The following SETBP1 variants were observed in gnomAD, a reference collection of about 807,000 sequenced individuals.
The protein encoded by SETBP1 is SET binding protein 1.
In SETBP1, 9 loss-of-function variants were observed where a neutral mutation model predicts 101.0. The observed-to-expected ratio is 0.09, with a 90% CI of 0.05 to 0.16. SETBP1 has a LOEUF of 0.16. Among genes scored for constraint, SETBP1 ranks in the 10% least tolerant of loss-of-function variants. The probability of loss-of-function intolerance (pLI) is 1.00; values close to 1 mark genes in which losing one functional copy is unlikely to be tolerated. For missense variants in SETBP1, 1,858 were observed against 2,033.8 expected, an observed-to-expected ratio of 0.91 and a Z score of 1.66; for synonymous variants, 818 against 788.5, an observed-to-expected ratio of 1.04 and a Z score of -0.63.
intron 4 of SETBP1, among the ~76,000 whole-genome samples, chr18:44,977,391 G>C (rs1171423093): frequency 2.0e-5 from 3 of 152,228 alleles, no homozygotes; most frequent in Non-Finnish European, 4.4e-5. Flanking sequence ...AATCAAGAAG[G>C]AGCACCCGCC....
chr18:44,989,242 T>A (rs1057153524), intron 4 of SETBP1: 4 of 152,098 alleles, frequency 2.6e-5, no homozygotes, highest in Admixed American at 2.6e-4. Flanking sequence ...TACAACAGAT[T>A]ATGAAATATG....
chr18:44,719,677 C>G (rs1159315759), intron 2 of SETBP1, among the ~76,000 whole-genome samples: 1 of 152,218 alleles, frequency 6.6e-6, no homozygotes, highest in African/African-American at 2.4e-5. Context: ...TGGATACCTG[C>G]CTTTCCTTCT....
intron 2 of SETBP1, among the ~76,000 whole-genome samples, chr18:44,798,348 G>C (rs2071526928): frequency 1.3e-5 from 2 of 152,152 alleles, no homozygotes; most frequent in Non-Finnish European, 2.9e-5. Flanking sequence ...TGAGAAAATT[G>C]GGCCCCAGAG....
chr18:44,973,042 A>T (rs769220082), intron 4 of SETBP1, among the ~76,000 whole-genome samples: 1 of 152,100 alleles, frequency 6.6e-6, no homozygotes, highest in Non-Finnish European at 1.5e-5. Flanking sequence ...TTATTTTGAG[A>T]TCCGTCCCAT....
intron 3 of SETBP1, among the ~76,000 whole-genome samples, chr18:44,906,820 T>C (rs115159939): frequency 8.5e-4 from 130 of 152,252 alleles, no homozygotes; most frequent in African/African-American, 3.0e-3. Context: ...TTGATAATGC[T>C]CTTAAACCCT....
intron 3 of SETBP1, chr18:44,876,548 G>A (rs955364945): frequency 9.1e-6 from 14 of 1,535,718 alleles, no homozygotes; most frequent in Non-Finnish European, 1.2e-5. Flanking sequence ...ATCTAAGTCA[G>A]CCTCCTCATT....
At chr18:44,972,109 C>T (rs2071877690) in intron 4 of SETBP1, among the ~76,000 whole-genome samples, 1 of 152,104 alleles carries the variant, frequency 6.6e-6, no homozygotes, top group African/African-American at 2.4e-5. Flanking sequence ...GCCAGTTTTC[C>T]CAGCACCATT....
chr18:45,067,556 T>A lies in SETBP1; in HGVS notation c.*3858T>A, dbSNP rs1329563629. On this transcript the variant is annotated 3_prime_UTR_variant, in exon 6 of 6. Coordinates refer to ENST00000649279, the MANE Select transcript of SETBP1 (RefSeq NM_015559.3). ...CTCGTTATGTAAAAGTAGATAAATA[T>A]AGACGTTATTCTCAACACTACCCTA... 6.6e-6 allele frequency: 1 copy of A among 152,180 alleles called. No homozygotes were observed. Among genetic ancestry groups the A allele is most frequent in the Non-Finnish European group, 1.5e-5 (1 of 68,028 alleles). 9.4% of individuals were successfully genotyped at this position (152,180 alleles called of 1,614,324 possible).
intron 4 of SETBP1, among the ~76,000 whole-genome samples, chr18:45,031,730 G>T (rs187398892): frequency 3.3e-5 from 5 of 152,216 alleles, no homozygotes; most frequent in Non-Finnish European, 7.4e-5. Context: ...AGTGAGACAT[G>T]GTTTGTAACC....
In SETBP1 at chr18:44,701,456, C is replaced by T. The variant is rs747388683; in HGVS notation, c.110C>T (p.Pro37Leu). Residue 37 changes from proline to leucine, a missense_variant, in exon 2 of 6, where the codon CCT (proline) becomes CTT (leucine). Pro to Leu is a moderately conservative substitution (Grantham distance 98). Coordinates refer to ENST00000649279, the MANE Select transcript of SETBP1 (RefSeq NM_015559.3). ...GCTGCTCCTGGCTGTGCAGGAGAAC[C>T]TTTGCTCTCCACTCCAGGACCTGGG... ...PPAAPGCAGE[P>L]LLSTPGPGKG... The T allele has an allele frequency of 1.7e-5, 27 of 1,612,792 alleles. No individual in the cohort carries two copies. The highest frequency in any genetic ancestry group is 9.3e-6 in the Non-Finnish European group (11 of 1,179,288).
At chr18:44,978,449 G>C (rs1367540408) in intron 4 of SETBP1, among the ~76,000 whole-genome samples, 3 of 152,168 alleles carry the variant, frequency 2.0e-5, no homozygotes, top group Non-Finnish European at 4.4e-5. Context: ...GCCCAAATGA[G>C]TGAGCAATAG....
intron 2 of SETBP1, among the ~76,000 whole-genome samples, chr18:44,747,440 T>G (rs1181070413): frequency 6.6e-6 from 1 of 152,046 alleles, no homozygotes; most frequent in Admixed American, 6.5e-5. Context: ...TTATTAAGAG[T>G]GAAAATAATT....
At chr18:44,748,897 G>T (rs1309356162) in intron 2 of SETBP1, among the ~76,000 whole-genome samples, 1 of 152,184 alleles carries the variant, frequency 6.6e-6, no homozygotes, top group Non-Finnish European at 1.5e-5. Context: ...GCAGACAGGT[G>T]AAGAGAGGTG....
chr18:45,009,580 C>G (rs1288959855), intron 4 of SETBP1, among the ~76,000 whole-genome samples: 2 of 151,838 alleles, frequency 1.3e-5, no homozygotes, highest in East Asian at 3.9e-4. Context: ...TTGGCTAATA[C>G]TTTTTTATGA....
chr18:44,941,169 C>T (rs1383242398), intron 3 of SETBP1, among the ~76,000 whole-genome samples: 1 of 147,068 alleles, frequency 6.8e-6, no homozygotes, highest in Non-Finnish European at 1.5e-5. Context: ...GCAACCTCCA[C>T]TTCCTGGTTT....
intron 2 of SETBP1, among the ~76,000 whole-genome samples, chr18:44,865,332 TAGAG>T (rs1228549262): frequency 6.6e-6 from 1 of 152,154 alleles, no homozygotes. Context: ...TGAGTGAAGG[TAGAG>T]AGACAGGCAC....
chr18:44,874,760 A>G (rs1289351497), intron 3 of SETBP1, among the ~76,000 whole-genome samples: 1 of 152,154 alleles, frequency 6.6e-6, no homozygotes, highest in Non-Finnish European at 1.5e-5. Flanking sequence ...AATTAGTCCT[A>G]CTCAGAGATC....
intron 5 of SETBP1, among the ~76,000 whole-genome samples, chr18:45,056,672 G>A (rs1434590360): frequency 4.6e-5 from 7 of 152,280 alleles, no homozygotes; most frequent in Admixed American, 2.0e-4. Flanking sequence ...GCACTAGGCC[G>A]ATTTCTAAAT....
chr18:45,056,875 A>G (rs559760672), intron 5 of SETBP1, among the ~76,000 whole-genome samples: 5 of 152,336 alleles, frequency 3.3e-5, no homozygotes, highest in Admixed American at 3.3e-4. Flanking sequence ...AGCAGAACAC[A>G]GACCAGAGTC....
Sources: allele counts gnomAD v4.1 joint callset (sites outside exome capture counted in the v4.1 genomes callset), GRCh38; gene constraint gnomAD v4.1.1; transcripts MANE v1.5; gene names NCBI Gene and HGNC (gene_info 2026-07-23, HGNC 2026-07-21).